VPS13D: variants seen among roughly 807,000 people sequenced by gnomAD.
VPS13D encodes intermembrane lipid transfer protein VPS13D.
A neutral mutation model predicts 461.9 loss-of-function variants in VPS13D; 187 were observed. That is an observed-to-expected ratio of 0.40 (90% CI 0.36 to 0.46). VPS13D has a LOEUF of 0.46. Ranked by LOEUF, VPS13D falls within the 20% of genes least tolerant of loss-of-function variation. VPS13D has a pLI of 0.60. For missense variants in VPS13D, 4,711 were observed against 5,364.9 expected, an observed-to-expected ratio of 0.88 and a Z score of 3.81; for synonymous variants, 1,951 against 1,986.3, an observed-to-expected ratio of 0.98 and a Z score of 0.47.
intron 52 of VPS13D, among the ~76,000 whole-genome samples, chr1:12,363,876 C>T (rs1213037221): frequency 3.0e-5 from 4 of 135,230 alleles, no homozygotes; most frequent in Admixed American, 8.6e-5. Context: ...TCGCCTGAAT[C>T]GGGGAGGCGG....
chr1:12,409,845 A>T (rs1252965406), intron 63 of VPS13D: 2 of 455,946 alleles, frequency 4.4e-6, no homozygotes, highest in Non-Finnish European at 8.8e-6. Flanking sequence ...CTACCAAAAC[A>T]GCCAGGACTG....
chr1:12,302,540 A>G (rs1026144316), intron 25 of VPS13D, among the ~76,000 whole-genome samples: 1 of 152,238 alleles, frequency 6.6e-6, no homozygotes, highest in African/African-American at 2.4e-5. Context: ...TTTTAATGAA[A>G]AAAATTTCCC....
chr1:12,370,980 G>T (rs1485568490), intron 54 of VPS13D, among the ~76,000 whole-genome samples: 1 of 152,146 alleles, frequency 6.6e-6, no homozygotes, highest in African/African-American at 2.4e-5. Flanking sequence ...CCATCTTTTG[G>T]AGTATATCAG....
At chr1:12,312,267 G>A (rs1455983229) in intron 29 of VPS13D, among the ~76,000 whole-genome samples, 1 of 152,198 alleles carries the variant, frequency 6.6e-6, no homozygotes, top group African/African-American at 2.4e-5. Flanking sequence ...GTGTTTTGAT[G>A]TGCCAGCGGG....
chr1:12,383,130 C>T lies in VPS13D; in HGVS notation c.11345C>T (p.Pro3782Leu). The T allele has an allele frequency of 6.2e-7, 1 of 1,613,886 alleles. No individual in the cohort carries two copies. The highest frequency in any genetic ancestry group is 8.5e-7 in the Non-Finnish European group (1 of 1,179,918). Residue 3782 changes from proline to leucine, a missense_variant, in exon 58 of 70, where the codon CCA becomes CTA. Pro to Leu is a moderately conservative substitution (Grantham distance 98). This residue lies in a region of VPS13D where 4,411 missense variants were observed against 4,937.8 expected (regional missense o/e 0.89). Coordinates refer to ENST00000620676, the MANE Select transcript of VPS13D (RefSeq NM_015378.4). ...GGAATGTTATCCATCAGAGTCATCC[C>T]AGATGGACCAACTAGAGCACTCCAG... ...GSGMLSIRVI[P>L]DGPTRALQIT...
intron 35 of VPS13D, among the ~76,000 whole-genome samples, chr1:12,324,593 C>T (rs918377123): frequency 6.6e-6 from 1 of 152,168 alleles, no homozygotes; most frequent in African/African-American, 2.4e-5. Flanking sequence ...GTGGCTTTAA[C>T]CTCTGTGAAC....
intron 47 of VPS13D, among the ~76,000 whole-genome samples, chr1:12,355,603 C>T (rs1643878407): frequency 6.6e-6 from 1 of 151,994 alleles, no homozygotes; most frequent in Non-Finnish European, 1.5e-5. Context: ...GATGGAGTCT[C>T]ACTCTGTCAC....
At position 12,368,592 on chromosome 1, in the gene VPS13D, G is replaced by C; in HGVS notation, c.10572+1G>C. On this transcript the variant is annotated splice_donor_variant, in intron 53 of 69. Transcript: ENST00000620676. LOFTEE classifies it high-confidence loss of function. ...TTTCCGAATTGACAACTTTTCTAAG[G>C]TATCAAGTGGAGCTGAGAGCCAGTT... The C allele has an allele frequency of 1.2e-6, 2 of 1,611,604 alleles. No homozygotes were observed. The highest frequency in any genetic ancestry group is 2.2e-5 in the South Asian group (2 of 90,660).
intron 55 of VPS13D, among the ~76,000 whole-genome samples, chr1:12,377,548 G>A (rs1021346427): frequency 1.3e-4 from 19 of 151,846 alleles, no homozygotes; most frequent in African/African-American, 4.3e-4. Context: ...GGCCAGGCAC[G>A]GTAGCTCATG....
rs188726587 is a variant in VPS13D at position 12,489,765 on chromosome 1, C to G, written c.12663-7735C>G. ...TATCGAGTGCCTATTATGTGCTAGA[C>G]TCTGTTCTAAGCACTGTACATGTAT... On this transcript the variant is annotated intron_variant, in intron 67 of 69. Coordinates refer to ENST00000620676, the MANE Select transcript of VPS13D (RefSeq NM_015378.4). Among the ~76,000 whole-genome samples, 618 of 152,318 alleles carry G rather than the reference C, an allele frequency of 4.1e-3. 7 individuals are homozygous for G. Among genetic ancestry groups the G allele is most frequent in the Admixed American group, 0.021 (319 of 15,294 alleles).
intron 40 of VPS13D, among the ~76,000 whole-genome samples, chr1:12,340,748 A>G (rs908393534): frequency 3.9e-5 from 6 of 152,224 alleles, no homozygotes; most frequent in African/African-American, 7.2e-5. Context: ...TGCTAGACAC[A>G]TAAGAAGATT....
intron 44 of VPS13D, among the ~76,000 whole-genome samples, chr1:12,348,522 T>C (rs999085636): frequency 1.2e-4 from 19 of 152,196 alleles, no homozygotes; most frequent in Admixed American, 4.6e-4. Context: ...CAGTCTCAGG[T>C]GAATGTTTTT....
chr1:12,322,212 C>T (rs1417524863), intron 33 of VPS13D, among the ~76,000 whole-genome samples: 1 of 152,096 alleles, frequency 6.6e-6, no homozygotes, highest in East Asian at 1.9e-4. Context: ...ACTACAGGGG[C>T]CTGCCACCGT....
At chr1:12,305,222 G>T (rs1052379670) in intron 26 of VPS13D, among the ~76,000 whole-genome samples, 3 of 152,162 alleles carry the variant, frequency 2.0e-5, no homozygotes, top group Admixed American at 1.3e-4. Context: ...TCCAATATAA[G>T]AATTAGTCAT....
intron 17 of VPS13D, 24 bp downstream of exon 17, chr1:12,271,148 CTT>C: frequency 6.2e-7 from 1 of 1,613,374 alleles, no homozygotes; most frequent in Non-Finnish European, 8.5e-7. Flanking sequence ...CATAAACACT[CTT>C]TGGGGATTGG....
intron 67 of VPS13D, among the ~76,000 whole-genome samples, chr1:12,466,209 A>G (rs1458488099): frequency 1.3e-5 from 2 of 152,102 alleles, no homozygotes; most frequent in African/African-American, 4.8e-5. Flanking sequence ...GCTGGGTAAT[A>G]CTGCTTTTAA....
rs1194154102 is a variant in VPS13D, at chr1:12,279,350, C to T, written c.4451-149C>T. 1 of 794,876 alleles carries T rather than the reference C, an allele frequency of 1.3e-6. No homozygotes were observed. Among genetic ancestry groups the T allele is most frequent in the Non-Finnish European group, 1.8e-6 (1 of 554,636 alleles). 49.2% of individuals were successfully genotyped at this position (794,876 alleles called of 1,614,324 possible). ...CTCAGGATAGCTGTCAAGGTTTGCT[C>T]TCAATCATAGACCCCGGGTGCCAGG... is the stretch of plus-strand genomic sequence containing the variant. On this transcript the variant is annotated intron_variant, in intron 19 of 69. Transcript: ENST00000620676. The surrounding 1 kb of genome is among the most constrained non-coding windows in gnomAD (Gnocchi z 4.3).
chr1:12,412,791 T>G (rs1644746070), intron 63 of VPS13D, among the ~76,000 whole-genome samples: 1 of 152,198 alleles, frequency 6.6e-6, no homozygotes, highest in South Asian at 2.1e-4. Context: ...AAGAAAATAT[T>G]GATAAGGCAG....
intron 67 of VPS13D, among the ~76,000 whole-genome samples, chr1:12,466,340 A>G (rs1645482839): frequency 6.6e-6 from 1 of 152,306 alleles, no homozygotes; most frequent in South Asian, 2.1e-4. Context: ...TAAAGATTCA[A>G]ATGTTTATTA....
Sources: allele counts gnomAD v4.1 joint callset (sites outside exome capture counted in the v4.1 genomes callset), GRCh38; gene constraint gnomAD v4.1.1; regional missense constraint gnomAD v4.1.1; non-coding constraint Gnocchi (gnomAD v3.1); transcripts MANE v1.5; gene names NCBI Gene and HGNC (gene_info 2026-07-23, HGNC 2026-07-21).